The following BICC1 variants were observed in gnomAD, a reference collection of about 807,000 sequenced individuals.
BICC1 encodes the protein BicC family RNA binding protein 1.
In BICC1, 43 loss-of-function variants were observed where a neutral mutation model predicts 111.0. The ratio of observed to expected loss-of-function variants is 0.39; its 90% CI spans 0.30 to 0.50. The LOEUF (loss-of-function observed/expected upper bound fraction) is 0.50. BICC1 is among the 20% of genes least tolerant of loss of function. The probability of loss-of-function intolerance (pLI) is 0.88; values close to 1 mark genes in which losing one functional copy is unlikely to be tolerated. For missense variants in BICC1, 1,091 were observed against 1,203.2 expected, an observed-to-expected ratio of 0.91 and a Z score of 1.38; for synonymous variants, 467 against 434.4, an observed-to-expected ratio of 1.07 and a Z score of -0.93.
At chr10:58,567,105 G>A (rs553904153) in intron 1 of BICC1, among the ~76,000 whole-genome samples, 7 of 152,302 alleles carry the variant, frequency 4.6e-5, no homozygotes, top group South Asian at 2.1e-4. Flanking sequence ...CATAATTCAC[G>A]TGCATAGTGG....
intron 3 of BICC1, among the ~76,000 whole-genome samples, chr10:58,749,583 T>C (rs10458675): frequency 0.62 from 93,566 of 152,018 alleles, 30,455 homozygotes; most frequent in East Asian, 0.9. Flanking sequence ...AATGTGACTT[T>C]TACAGAGCAT....
chr10:58,789,903 G>A lies in BICC1; in HGVS notation c.1017G>A (p.Glu339=). Residue 339 remains glutamate, a synonymous_variant, in exon 8 of 21, where the codon GAG becomes GAA. Transcript: ENST00000373886. ...CCGTCTACCTCCAGGGCACCATTGA[G>A]TCTGTCTGTCTTGCAAGGCAATATC... ...KSTVYLQGTI[E]SVCLARQYLM... 1 of 1,614,134 alleles carries A rather than the reference G, an allele frequency of 6.2e-7. No homozygotes were observed. Among genetic ancestry groups the A allele is most frequent in the South Asian group, 1.1e-5 (1 of 91,088 alleles).
intron 3 of BICC1, among the ~76,000 whole-genome samples, chr10:58,717,186 C>G (rs1840772398): frequency 1.3e-5 from 2 of 151,962 alleles, no homozygotes; most frequent in African/African-American, 4.8e-5. Flanking sequence ...AAGTTTTAAC[C>G]AGTCAGGAAA....
intron 2 of BICC1, among the ~76,000 whole-genome samples, chr10:58,688,433 G>A (rs775673962): frequency 3.9e-5 from 6 of 152,110 alleles, no homozygotes; most frequent in South Asian, 2.1e-4. Context: ...TGATTGGTGC[G>A]TTTACAATCT....
At chr10:58,693,742 C>T (rs1839984101) in intron 2 of BICC1, among the ~76,000 whole-genome samples, 1 of 151,924 alleles carries the variant, frequency 6.6e-6, no homozygotes, top group African/African-American at 2.4e-5. Context: ...TTTGAGTTCA[C>T]TGTAGATTCT....
intron 2 of BICC1, among the ~76,000 whole-genome samples, chr10:58,700,568 C>T (rs1178504353): frequency 6.6e-6 from 1 of 152,200 alleles, no homozygotes; most frequent in Non-Finnish European, 1.5e-5. Flanking sequence ...AGACCAGTAC[C>T]TTGACTTAGT....
intron 3 of BICC1, among the ~76,000 whole-genome samples, chr10:58,744,722 C>G (rs1841779382): frequency 6.6e-6 from 1 of 152,008 alleles, no homozygotes; most frequent in African/African-American, 2.4e-5. Flanking sequence ...CCCCCTTTAT[C>G]AAATTCAGAT....
intron 2 of BICC1, among the ~76,000 whole-genome samples, chr10:58,684,780 G>C (rs922185121): frequency 6.6e-6 from 1 of 151,870 alleles, no homozygotes; most frequent in African/African-American, 2.4e-5. Flanking sequence ...TATTAGTCTT[G>C]CCTAGTGGTC....
chr10:58,713,795 C>T (rs1028251933), intron 3 of BICC1, among the ~76,000 whole-genome samples: 1 of 152,156 alleles, frequency 6.6e-6, no homozygotes, highest in Admixed American at 6.5e-5. Flanking sequence ...TGTGCTAGAC[C>T]TCTGTCTTTT....
At chr10:58,767,643 C>G (rs769178102) in intron 3 of BICC1, among the ~76,000 whole-genome samples, 19 of 152,086 alleles carry the variant, frequency 1.2e-4, no homozygotes, top group Non-Finnish European at 2.1e-4. Context: ...TTTAAGGACA[C>G]TTAGCAGGCT....
chr10:58,594,494 A>G (rs1417067410), intron 1 of BICC1, among the ~76,000 whole-genome samples: 1 of 152,214 alleles, frequency 6.6e-6, no homozygotes, highest in Admixed American at 6.5e-5. Flanking sequence ...GGCTACCAAC[A>G]AAGGGAAGCC....
chr10:58,714,397 T>C (rs1445565172), intron 3 of BICC1, among the ~76,000 whole-genome samples: 1 of 152,198 alleles, frequency 6.6e-6, no homozygotes, highest in Non-Finnish European at 1.5e-5. Context: ...GGGTGATAGG[T>C]CTACACATTT....
intron 1 of BICC1, among the ~76,000 whole-genome samples, chr10:58,573,435 A>C (rs1844019846): frequency 6.6e-6 from 1 of 152,132 alleles, no homozygotes; most frequent in Non-Finnish European, 1.5e-5. Context: ...GATAAGAAGG[A>C]ATAGGTATTT....
At chr10:58,645,895 G>T (rs1838255098) in intron 2 of BICC1, among the ~76,000 whole-genome samples, 1 of 152,176 alleles carries the variant, frequency 6.6e-6, no homozygotes, top group South Asian at 2.1e-4. Context: ...TTCCTGCTGA[G>T]TTTATGCTTA....
intron 9 of BICC1, among the ~76,000 whole-genome samples, chr10:58,795,151 C>T (rs1310564896): frequency 6.6e-6 from 1 of 151,932 alleles, no homozygotes; most frequent in Non-Finnish European, 1.5e-5. Context: ...AAAATAACAC[C>T]ATTTTTAAAT....
At chr10:58,567,638 CT>C (rs1040067563) in intron 1 of BICC1, among the ~76,000 whole-genome samples, 1 of 151,866 alleles carries the variant, frequency 6.6e-6, no homozygotes, top group African/African-American at 2.4e-5. Flanking sequence ...TTTCAGCATA[CT>C]TTTTTGAGCC....
intron 2 of BICC1, among the ~76,000 whole-genome samples, chr10:58,683,328 T>C (rs4486578): frequency 1 from 151,969 of 152,348 alleles, 75,796 homozygotes; most frequent in Middle Eastern, 1. Context: ...ATGTGTCCAG[T>C]TTTGTTCTTT....
intron 1 of BICC1, among the ~76,000 whole-genome samples, chr10:58,517,262 C>T (rs1482479770): frequency 1.3e-5 from 2 of 152,018 alleles, no homozygotes; most frequent in African/African-American, 2.4e-5. Context: ...ATACTGCTGC[C>T]AAAGACTTTA....
chr10:58,540,805 TCAA>T (rs1842951666), intron 1 of BICC1, among the ~76,000 whole-genome samples: 1 of 152,062 alleles, frequency 6.6e-6, no homozygotes, highest in Admixed American at 6.6e-5. Context: ...GCAAAAATCC[TCAA>T]CAAAATTTTA....
Sources: gnomAD v4.1 joint callset for allele counts (sites outside exome capture counted in the v4.1 genomes callset) on GRCh38, gnomAD v4.1.1 for gene constraint, MANE v1.5 for transcripts, NCBI Gene and HGNC (gene_info 2026-07-23, HGNC 2026-07-21) for gene names.